FOSL2: variants seen among roughly 807,000 people sequenced by gnomAD.
FOSL2 encodes the protein fos-related antigen 2.
A neutral mutation model predicts 27.7 loss-of-function variants in FOSL2; 3 were observed. That is an observed-to-expected ratio of 0.11 (90% CI 0.05 to 0.28). The LOEUF is 0.28. FOSL2 is among the 10% of genes least tolerant of loss of function. The pLI is 1.00. For missense variants in FOSL2, 333 were observed against 445.1 expected (o/e 0.75, Z 2.27); for synonymous variants, 179 against 190.1 (o/e 0.94, Z 0.48).
intron 1 of FOSL2, among the ~76,000 whole-genome samples, chr2:28,399,207 C>T (rs1480524656): frequency 1.3e-5 from 2 of 152,212 alleles, no homozygotes; most frequent in African/African-American, 4.8e-5. Context: ...ATCGCCTGGC[C>T]AAGGGGCTGG....
chr2:28,393,815 G>GCGT lies in FOSL2; in HGVS notation c.96_97insGTC (p.Gly32_Gln33insVal), dbSNP rs1663738712. 6.3e-7 allele frequency: 1 copy of GCGT among 1,595,082 alleles called. No individual in the cohort carries two copies. The highest frequency in any genetic ancestry group is 8.5e-7 in the Non-Finnish European group (1 of 1,171,756). On this transcript the variant is annotated inframe_insertion, in exon 1 of 4. Coordinates refer to ENST00000264716, the MANE Select transcript of FOSL2 (RefSeq NM_005253.4). This position sits in a 1 kb window ranked among gnomAD's most constrained non-coding sequence, Gnocchi z 4.6. Reference sequence around the variant, plus strand: ...GAGTCCTACTCCAGCGGCGGCGGCGGCCAGCAGGTAGGTGCGGGCCCCGGT... The same window carrying GCGT: ...GAGTCCTACTCCAGCGGCGGCGGCGGCGTCCAGCAGGTAGGTGCGGGCCCCGGT...
chr2:28,400,787 C>G (rs963013839), intron 1 of FOSL2, among the ~76,000 whole-genome samples: 1 of 152,210 alleles, frequency 6.6e-6, no homozygotes, highest in African/African-American at 2.4e-5. Context: ...GACCTGCCCT[C>G]CAGAGCGGGT....
At chr2:28,394,842 C>T (rs1663777401) in intron 1 of FOSL2, among the ~76,000 whole-genome samples, 1 of 152,160 alleles carries the variant, frequency 6.6e-6, no homozygotes, top group Admixed American at 6.5e-5. Flanking sequence ...CCGTGGTCAG[C>T]ATCTGTGGAG....
intron 1 of FOSL2, among the ~76,000 whole-genome samples, chr2:28,401,150 T>C (rs555190354): frequency 1.1e-4 from 17 of 151,776 alleles, no homozygotes; most frequent in Non-Finnish European, 2.1e-4. Flanking sequence ...GCACATCTAA[T>C]GATGATGGTG....
At chr2:28,401,852 T>A (rs1663980098) in intron 1 of FOSL2, among the ~76,000 whole-genome samples, 1 of 152,242 alleles carries the variant, frequency 6.6e-6, no homozygotes, top group Non-Finnish European at 1.5e-5. Flanking sequence ...TGGGCAGCTC[T>A]CTTCACGGGA....
At chr2:28,394,763 C>T in intron 1 of FOSL2, 1 of 152,468 alleles carries the variant, frequency 6.6e-6, no homozygotes, top group Non-Finnish European at 1.5e-5. Context: ...CCCTCTGCTG[C>T]AGCTCCCCCA....
In FOSL2 at chr2:28,393,872, C is replaced by T; in HGVS notation, c.102+50C>T. ...GGCGGCGCGGGCGGACCCCTGCCCT[C>T]TTCTCGCCGCCACTGCCTCTTTTGC... On this transcript the variant is annotated intron_variant, in intron 1 of 3. Transcript: ENST00000264716. This position sits in a 1 kb window ranked among gnomAD's most constrained non-coding sequence, Gnocchi z 4.6. 1 of 1,234,272 alleles carries T rather than the reference C, an allele frequency of 8.1e-7. No individual in the cohort carries two copies. Among genetic ancestry groups the T allele is most frequent in the Non-Finnish European group, 1.1e-6 (1 of 876,698 alleles). The allele number at this position is 1,234,272 out of a possible 1,614,324, so 76.5% of individuals were successfully genotyped here.
chr2:28,412,520 A>G lies in FOSL2; in HGVS notation c.*72A>G. 1 of 1,537,658 alleles carries G rather than the reference A, an allele frequency of 6.5e-7. No homozygotes were observed. Among genetic ancestry groups the G allele is most frequent in the Non-Finnish European group, 8.8e-7 (1 of 1,140,278 alleles). On this transcript the variant is annotated 3_prime_UTR_variant, in exon 4 of 4. Transcript: ENST00000264716. This position sits in a 1 kb window ranked among gnomAD's most constrained non-coding sequence, Gnocchi z 7.1. Reference sequence around the variant, plus strand: ...CTCCTTCCCAGGGACCAGCACCTTCAAGCGCTCCAGGGCCGTGAGGGCAAG... The same window carrying G: ...CTCCTTCCCAGGGACCAGCACCTTCGAGCGCTCCAGGGCCGTGAGGGCAAG...
chr2:28,393,423 A>G lies in FOSL2; in HGVS notation c.-298A>G, dbSNP rs1663721275. Reference sequence around the variant, plus strand: ...CGCGCGGGGGCGGGAGGGCGCGCGCAGGGGAGGGACCGAGAGACGCGCCGA... The same window carrying G: ...CGCGCGGGGGCGGGAGGGCGCGCGCGGGGGAGGGACCGAGAGACGCGCCGA... On this transcript the variant is annotated 5_prime_UTR_variant, in exon 1 of 4. Coordinates refer to ENST00000264716, the MANE Select transcript of FOSL2 (RefSeq NM_005253.4). The surrounding 1 kb of genome is among the most constrained non-coding windows in gnomAD (Gnocchi z 4.6). The G allele has an allele frequency of 8.7e-6, 3 of 344,052 alleles. No homozygotes were observed. Among genetic ancestry groups the G allele is most frequent in the African/African-American group, 2.2e-5 (1 of 45,600 alleles). The allele number at this position is 344,052 out of a possible 1,614,324, so 21.3% of individuals were successfully genotyped here. A position where few individuals can be genotyped will look rare whatever the true frequency, so the allele number is the denominator to read the frequency against.
intron 1 of FOSL2, chr2:28,395,576 G>A (rs1663799041): frequency 6.6e-6 from 1 of 152,280 alleles, no homozygotes; most frequent in South Asian, 2.1e-4. Context: ...GTGCTAGGAA[G>A]AAGGAAGAGA....
At chr2:28,397,851 A>G (rs570453020) in intron 1 of FOSL2, among the ~76,000 whole-genome samples, 4 of 152,228 alleles carry the variant, frequency 2.6e-5, no homozygotes, top group African/African-American at 4.8e-5. Flanking sequence ...AATCCTCCCT[A>G]CTAACAAATC....
Position 28,408,932 on chromosome 2 carries a change from G to C in FOSL2, c.462+66G>C, listed in dbSNP as rs965969515. 6.4e-6 allele frequency: 7 copies of C among 1,089,108 alleles called. No individual in the cohort carries two copies. The African/African-American group carries it at 1.1e-4, about 17-fold the overall frequency. The allele number at this position is 1,089,108 out of a possible 1,614,324, so 67.5% of individuals were successfully genotyped here. The stretch of plus-strand genomic sequence containing the variant: ...CTGGAGTGAGAGCCCCGGGGGTCCT[G>C]ATCCTCTCTCCCACAGCTGTCTCCT... On this transcript the variant is annotated intron_variant, in intron 3 of 3. Coordinates refer to ENST00000264716, the MANE Select transcript of FOSL2 (RefSeq NM_005253.4). The surrounding 1 kb of genome is among the most constrained non-coding windows in gnomAD (Gnocchi z 4.1).
chr2:28,414,494 A>T lies in FOSL2; in HGVS notation c.*2046A>T, dbSNP rs1222619323. ...TGGGCAGTTGGGTTTCTGGCTTGAG[A>T]TGAATCCAAGCAGCAGAATGAGCCA... On this transcript the variant is annotated 3_prime_UTR_variant, in exon 4 of 4. Transcript: ENST00000264716. 1 of 152,218 alleles carries T rather than the reference A, an allele frequency of 6.6e-6. No individual in the cohort carries two copies. The highest frequency in any genetic ancestry group is 1.5e-5 in the Non-Finnish European group (1 of 68,042). 9.4% of individuals were successfully genotyped at this position (152,218 alleles called of 1,614,324 possible). A position where few individuals can be genotyped will look rare whatever the true frequency, so the allele number is the denominator to read the frequency against.
Position 28,404,063 on chromosome 2 carries a change from C to T in FOSL2, c.103-44C>T. The stretch of plus-strand genomic sequence containing the variant: ...AATTATTATTAACTATCCTGTTCAG[C>T]TTAGTATTTATTGGCTCATTTGTAT... On this transcript the variant is annotated intron_variant, in intron 1 of 3. Coordinates refer to ENST00000264716, the MANE Select transcript of FOSL2 (RefSeq NM_005253.4). The surrounding 1 kb of genome is among the most constrained non-coding windows in gnomAD (Gnocchi z 4.7). 6.2e-7 allele frequency: 1 copy of T among 1,603,746 alleles called. No homozygotes were observed. Among genetic ancestry groups the T allele is most frequent in the Non-Finnish European group, 8.5e-7 (1 of 1,171,768 alleles).
At chr2:28,396,431 G>A (rs1188140054) in intron 1 of FOSL2, among the ~76,000 whole-genome samples, 2 of 151,924 alleles carry the variant, frequency 1.3e-5, no homozygotes, top group Non-Finnish European at 2.9e-5. Context: ...GTCAGTAACC[G>A]TTGCACACAC....
intron 3 of FOSL2, among the ~76,000 whole-genome samples, chr2:28,411,445 C>T (rs750329220): frequency 6.6e-6 from 1 of 152,082 alleles, no homozygotes; most frequent in Admixed American, 6.5e-5. Flanking sequence ...TCAGGGGTAC[C>T]GAGGGGGCAG....
In FOSL2 at chr2:28,393,875, C is replaced by T; in HGVS notation, c.102+53C>T. 3.5e-6 allele frequency: 4 copies of T among 1,133,030 alleles called. No homozygotes were observed. Among genetic ancestry groups the T allele is most frequent in the Non-Finnish European group, 5.1e-6 (4 of 785,944 alleles). 70.2% of individuals were successfully genotyped at this position (1,133,030 alleles called of 1,614,324 possible). On this transcript the variant is annotated intron_variant, in intron 1 of 3. Transcript: ENST00000264716. This position sits in a 1 kb window ranked among gnomAD's most constrained non-coding sequence, Gnocchi z 4.6. ...GGCGCGGGCGGACCCCTGCCCTCTT[C>T]TCGCCGCCACTGCCTCTTTTGCTTT...
chr2:28,411,721 AC>A (rs145210638), intron 3 of FOSL2, among the ~76,000 whole-genome samples: 4 of 152,032 alleles, frequency 2.6e-5, no homozygotes, highest in Non-Finnish European at 4.4e-5. Flanking sequence ...TTGTTGTCTT[AC>A]CCCCTCTCCA....
Position 28,412,801 on chromosome 2 carries a change from G to T in FOSL2, c.*353G>T, listed in dbSNP as rs1366103466. Reference sequence around the variant, plus strand: ...TTTGTTACCATACTGTCTCTGGAGTGATGGTGTCCTTCCCTGCCCCACCAC... The same window carrying T: ...TTTGTTACCATACTGTCTCTGGAGTTATGGTGTCCTTCCCTGCCCCACCAC... On this transcript the variant is annotated 3_prime_UTR_variant, in exon 4 of 4. Coordinates refer to ENST00000264716, the MANE Select transcript of FOSL2 (RefSeq NM_005253.4). The surrounding 1 kb of genome is among the most constrained non-coding windows in gnomAD (Gnocchi z 7.1). 1 of 242,396 alleles carries T rather than the reference G, an allele frequency of 4.1e-6. No individual in the cohort carries two copies. The highest frequency in any genetic ancestry group is 8.2e-5 in the East Asian group (1 of 12,206). The allele number at this position is 242,396 out of a possible 1,614,324, so 15.0% of individuals were successfully genotyped here. A position where few individuals can be genotyped will look rare whatever the true frequency, so the allele number is the denominator to read the frequency against.
Sources: allele counts gnomAD v4.1 joint callset (sites outside exome capture counted in the v4.1 genomes callset), GRCh38; gene constraint gnomAD v4.1.1; non-coding constraint Gnocchi (gnomAD v3.1); transcripts MANE v1.5; gene names NCBI Gene and HGNC (gene_info 2026-07-23, HGNC 2026-07-21).